The following ARL15 variants were observed in gnomAD, a reference collection of about 807,000 sequenced individuals.
ARL15 encodes ARF like GTPase 15.
Under a neutral mutation model 25.2 loss-of-function variants are expected in ARL15, and 19 were observed. That is an observed-to-expected ratio of 0.75 (90% CI 0.53 to 1.10). The LOEUF is 1.10. Ranked by LOEUF, ARL15 falls within the 50% of genes least tolerant of loss-of-function variation. The pLI, the probability that ARL15 is intolerant of heterozygous loss-of-function variation, is 0.00. For missense variants in ARL15, 220 were observed against 246.0 expected (o/e 0.89, Z 0.71); for synonymous variants, 94 against 86.8 (o/e 1.08, Z -0.46).
chr5:54,044,945 G>A (rs536382052), intron 4 of ARL15, among the ~76,000 whole-genome samples: 20 of 152,284 alleles, frequency 1.3e-4, no homozygotes, highest in African/African-American at 4.3e-4. Context: ...CTCTGGCCAT[G>A]ATTTCAGCAA....
intron 4 of ARL15, among the ~76,000 whole-genome samples, chr5:54,042,011 C>T (rs1437969241): frequency 6.6e-6 from 1 of 151,020 alleles, no homozygotes; most frequent in South Asian, 2.1e-4. Context: ...CGCTTTGTCG[C>T]CCAGGCTGGA....
intron 1 of ARL15, among the ~76,000 whole-genome samples, chr5:54,292,412 C>G (rs966798305): frequency 1.3e-5 from 2 of 152,178 alleles, no homozygotes; most frequent in African/African-American, 4.8e-5. Flanking sequence ...AAGCAAGCCA[C>G]TGAAACTCCT....
chr5:54,235,604 T>A (rs1483014537), intron 1 of ARL15, among the ~76,000 whole-genome samples: 1 of 151,934 alleles, frequency 6.6e-6, no homozygotes, highest in African/African-American at 2.4e-5. Context: ...CCCAAGTAGC[T>A]GGGAATATAG....
chr5:53,905,773 T>C (rs1382355029), intron 4 of ARL15, among the ~76,000 whole-genome samples: 2 of 152,192 alleles, frequency 1.3e-5, no homozygotes, highest in Non-Finnish European at 2.9e-5. Context: ...GCCTGACAAA[T>C]GATAGCTTGT....
chr5:54,269,113 C>T (rs1434792219), intron 1 of ARL15, among the ~76,000 whole-genome samples: 2 of 151,920 alleles, frequency 1.3e-5, no homozygotes, highest in African/African-American at 2.4e-5. Context: ...GGAGATATAC[C>T]TAATGCTAAA....
chr5:54,129,558 T>C (rs1173727413), intron 3 of ARL15, among the ~76,000 whole-genome samples: 1 of 152,092 alleles, frequency 6.6e-6, no homozygotes. Flanking sequence ...AGAACAGAAA[T>C]TAAAAGCGTA....
chr5:53,931,252 A>G (rs372230705), intron 4 of ARL15, among the ~76,000 whole-genome samples: 2 of 152,292 alleles, frequency 1.3e-5, no homozygotes, highest in East Asian at 3.9e-4. Context: ...CTAGCCCAAC[A>G]GGCCACACAC....
chr5:54,112,577 A>G (rs1295111973), intron 4 of ARL15, among the ~76,000 whole-genome samples: 2 of 152,374 alleles, frequency 1.3e-5, no homozygotes, highest in South Asian at 2.1e-4. Flanking sequence ...TCATTACTGC[A>G]GTACCATGAA....
chr5:53,964,504 C>T (rs556237950), intron 4 of ARL15, among the ~76,000 whole-genome samples: 4 of 152,138 alleles, frequency 2.6e-5, no homozygotes, highest in South Asian at 2.1e-4. Flanking sequence ...GGACTACAGG[C>T]GCCCACCACC....
chr5:54,113,201 C>G lies in ARL15; in HGVS notation c.462+1G>C, dbSNP rs1390853414. 1 of 1,612,994 alleles carries G rather than the reference C, an allele frequency of 6.2e-7. No homozygotes were observed. On this transcript the variant is annotated splice_donor_variant, in intron 4 of 4. Transcript: ENST00000504924. LOFTEE classifies it high-confidence loss of function. ...AGAGTTGTCATGCTAATGAGACATA[C>G]CTCTTGTACTGAGCGAGCTGCTGGC...
At chr5:54,207,236 G>C (rs1014541668) in intron 1 of ARL15, among the ~76,000 whole-genome samples, 1 of 152,184 alleles carries the variant, frequency 6.6e-6, no homozygotes, top group African/African-American at 2.4e-5. Context: ...AAATGTATGT[G>C]GGTATCTGTC....
At chr5:53,942,643 G>A (rs1348429208) in intron 4 of ARL15, among the ~76,000 whole-genome samples, 1 of 152,188 alleles carries the variant, frequency 6.6e-6, no homozygotes, top group Non-Finnish European at 1.5e-5. Context: ...CTACTCAGGA[G>A]GCTGAGTCAG....
chr5:54,082,606 C>G (rs906734803), intron 4 of ARL15, among the ~76,000 whole-genome samples: 1 of 152,166 alleles, frequency 6.6e-6, no homozygotes, highest in Non-Finnish European at 1.5e-5. Context: ...TAATCAACTC[C>G]TACCAAGATA....
chr5:53,907,489 T>TACATATATATA (rs1554025337), intron 4 of ARL15, among the ~76,000 whole-genome samples: 3 of 16,978 alleles, frequency 1.8e-4, no homozygotes, highest in African/African-American at 8.3e-4. Flanking sequence ...TATATATATA[T>TACATATATATA]TTTTTTTTTT....
chr5:53,914,877 C>T (rs1179151029), intron 4 of ARL15, among the ~76,000 whole-genome samples: 1 of 152,030 alleles, frequency 6.6e-6, no homozygotes, highest in Non-Finnish European at 1.5e-5. Context: ...ATGGCGTGAT[C>T]TCAGCTCACT....
At chr5:54,018,337 T>C (rs1749490420) in intron 4 of ARL15, among the ~76,000 whole-genome samples, 1 of 152,236 alleles carries the variant, frequency 6.6e-6, no homozygotes, top group Non-Finnish European at 1.5e-5. Flanking sequence ...GTAGGATATA[T>C]GCTATTTTAA....
At chr5:54,116,605 T>C (rs551643861) in intron 3 of ARL15, among the ~76,000 whole-genome samples, 128 of 152,342 alleles carry the variant, frequency 8.4e-4, no homozygotes, top group African/African-American at 2.9e-3. Flanking sequence ...AATGCTTTCA[T>C]TGAGTTTCTA....
chr5:53,997,629 T>C (rs1748724398), intron 4 of ARL15, among the ~76,000 whole-genome samples: 1 of 152,118 alleles, frequency 6.6e-6, no homozygotes, highest in African/African-American at 2.4e-5. Context: ...AAGAAACTTT[T>C]CAGATTCTTC....
At chr5:54,121,251 C>A (rs1448469761) in intron 3 of ARL15, among the ~76,000 whole-genome samples, 1 of 152,134 alleles carries the variant, frequency 6.6e-6, no homozygotes, top group Non-Finnish European at 1.5e-5. Context: ...TGACTGCACT[C>A]ACATTTGCTC....
Sources: gnomAD v4.1 joint callset for allele counts (sites outside exome capture counted in the v4.1 genomes callset) on GRCh38, gnomAD v4.1.1 for gene constraint, MANE v1.5 for transcripts, NCBI Gene and HGNC (gene_info 2026-07-23, HGNC 2026-07-21) for gene names.